The following CDON variants were observed in gnomAD, a reference collection of about 807,000 sequenced individuals.
CDON encodes the protein cell adhesion associated, oncogene regulated.
Under a neutral mutation model 120.9 loss-of-function variants are expected in CDON, and 73 were observed. The observed-to-expected ratio is 0.60, with a 90% CI of 0.50 to 0.73. The LOEUF (loss-of-function observed/expected upper bound fraction) is 0.73, where lower values mean the gene tolerates loss of function less well. Ranked by LOEUF, CDON falls within the 30% of genes least tolerant of loss-of-function variation. The pLI is 0.00. For synonymous variants in CDON, 566 were observed against 573.5 expected (o/e 0.99, Z 0.19); for missense variants, 1,470 against 1,587.3 (o/e 0.93, Z 1.26).
intron 18 of CDON, among the ~76,000 whole-genome samples, chr11:125,966,843 A>G (rs1017139455): frequency 1.3e-5 from 2 of 152,166 alleles, no homozygotes; most frequent in African/African-American, 4.8e-5. Flanking sequence ...GAAAGACAGT[A>G]ACTGCCAATC....
intron 1 of CDON, among the ~76,000 whole-genome samples, chr11:126,045,500 ATAT>A (rs1234065550): frequency 6.6e-6 from 1 of 152,146 alleles, no homozygotes; most frequent in Non-Finnish European, 1.5e-5. Context: ...CGTTTTTAAA[ATAT>A]TATTTTAAAT....
intron 1 of CDON, among the ~76,000 whole-genome samples, chr11:126,039,274 A>T (rs1948188776): frequency 6.6e-6 from 1 of 152,190 alleles, no homozygotes; most frequent in African/African-American, 2.4e-5. Flanking sequence ...AACTATAGCA[A>T]TGGTTCCCAA....
At chr11:126,028,744 A>AT (rs1947868829) in intron 1 of CDON, among the ~76,000 whole-genome samples, 1 of 149,176 alleles carries the variant, frequency 6.7e-6, no homozygotes, top group South Asian at 2.1e-4. Context: ...TTATTTATTT[A>AT]TTATGTCTTG....
intron 2 of CDON, 96 bp from the exon 3 acceptor site, chr11:126,021,616 A>T: frequency 9.4e-7 from 1 of 1,060,890 alleles, no homozygotes; most frequent in Non-Finnish European, 1.4e-6. Context: ...GTATCTTTAT[A>T]ACTAAAGGCA....
Position 125,983,980 on chromosome 11 carries a change from C to T in CDON, c.2887G>A (p.Asp963Asn). 1 of 1,614,140 alleles carries T rather than the reference C, an allele frequency of 6.2e-7. No individual in the cohort carries two copies. Among genetic ancestry groups the T allele is most frequent in the South Asian group, 1.1e-5 (1 of 91,080 alleles). ...CAGCCAACGATCAGATATAACATGTCACTGCTTCTGGCAGGGCTGGTTGCA... is the reference window on the plus strand; with the variant it reads ...CAGCCAACGATCAGATATAACATGTTACTGCTTCTGGCAGGGCTGGTTGCA... ...GPATSPARSS[D>N]MLYLIVGCVL... The change falls in exon 16 of 20, where the codon GAC becomes AAC. Residue 963 changes from aspartate (D) to asparagine (N), a missense_variant. By Grantham distance (23) the Asp-to-Asn change is conservative (BLOSUM62 1). Coordinates refer to ENST00000531738, the MANE Select transcript of CDON (RefSeq NM_001378964.1).
chr11:125,987,789 G>C (rs145513529), intron 15 of CDON, among the ~76,000 whole-genome samples: 1 of 152,200 alleles, frequency 6.6e-6, no homozygotes, highest in Non-Finnish European at 1.5e-5. Context: ...ACAGCGTCTG[G>C]TCCAAAAAGG....
At chr11:126,040,983 G>A (rs1948246454) in intron 1 of CDON, among the ~76,000 whole-genome samples, 1 of 151,780 alleles carries the variant, frequency 6.6e-6, no homozygotes, top group African/African-American at 2.4e-5. Flanking sequence ...AAGGTCAGGA[G>A]TTCCAGACCA....
chr11:125,990,254 G>T (rs548180634), intron 14 of CDON, among the ~76,000 whole-genome samples: 1 of 152,264 alleles, frequency 6.6e-6, no homozygotes, highest in South Asian at 2.1e-4. Flanking sequence ...GATGCAACGT[G>T]AACTGACATA....
intron 18 of CDON, among the ~76,000 whole-genome samples, chr11:125,962,503 G>C (rs1355296793): frequency 6.6e-6 from 1 of 152,148 alleles, no homozygotes; most frequent in Non-Finnish European, 1.5e-5. Context: ...AACGCTATAA[G>C]GATTAGACAT....
intron 1 of CDON, among the ~76,000 whole-genome samples, chr11:126,037,776 T>C (rs114101880): frequency 1.3e-3 from 204 of 152,280 alleles, no homozygotes; most frequent in African/African-American, 4.6e-3. Flanking sequence ...CAGAGTATGA[T>C]AGGCAGAACA....
At chr11:126,014,519 T>C (rs1790432306) in intron 7 of CDON, among the ~76,000 whole-genome samples, 1 of 152,164 alleles carries the variant, frequency 6.6e-6, no homozygotes, top group Non-Finnish European at 1.5e-5. Context: ...TCTACCAAAA[T>C]TACCAACACA....
chr11:126,054,733 C>G (rs190650860), intron 1 of CDON, among the ~76,000 whole-genome samples: 1 of 152,266 alleles, frequency 6.6e-6, no homozygotes, highest in East Asian at 1.9e-4. Flanking sequence ...CCCAGAAATT[C>G]AAATGCACGT....
chr11:126,032,728 C>T (rs1947975779), intron 1 of CDON, among the ~76,000 whole-genome samples: 1 of 152,088 alleles, frequency 6.6e-6, no homozygotes, highest in African/African-American at 2.4e-5. Flanking sequence ...CGTAAGAGGC[C>T]AGGAGCGGTG....
chr11:125,971,346 G>A (rs1037886876), intron 18 of CDON, among the ~76,000 whole-genome samples: 3 of 151,818 alleles, frequency 2.0e-5, no homozygotes, highest in Non-Finnish European at 4.4e-5. Context: ...TCGCACCACT[G>A]CACTCCAGCC....
intron 2 of CDON, among the ~76,000 whole-genome samples, chr11:126,023,149 A>AT (rs5795474): frequency 6.6e-5 from 10 of 151,634 alleles, no homozygotes; most frequent in Non-Finnish European, 1.2e-4. Context: ...GAAAATATGT[A>AT]TTTTTTTTTA....
At chr11:126,009,299 CTT>C (rs1947223328) in intron 8 of CDON, among the ~76,000 whole-genome samples, 1 of 152,184 alleles carries the variant, frequency 6.6e-6, no homozygotes, top group Admixed American at 6.5e-5. Flanking sequence ...CATACGAACT[CTT>C]TTTTATTTCA....
chr11:125,997,619 T>C (rs1459418456), intron 11 of CDON, among the ~76,000 whole-genome samples: 5 of 152,234 alleles, frequency 3.3e-5, no homozygotes, highest in Admixed American at 1.3e-4. Context: ...AAATGATCTA[T>C]AAATTTGATA....
intron 1 of CDON, among the ~76,000 whole-genome samples, chr11:126,045,263 T>C (rs1251725604): frequency 6.6e-6 from 1 of 152,126 alleles, no homozygotes; most frequent in Non-Finnish European, 1.5e-5. Flanking sequence ...CTTGACCTCG[T>C]GATCCGGCTG....
intron 1 of CDON, 103 bp from the exon 2 acceptor site, chr11:126,023,640 T>C (rs1180482517): frequency 1.5e-6 from 1 of 683,838 alleles, no homozygotes; most frequent in East Asian, 2.7e-5. Flanking sequence ...AAGCTCTGTG[T>C]AGAGTACGTC....
Sources: gnomAD v4.1 joint callset for allele counts (sites outside exome capture counted in the v4.1 genomes callset) on GRCh38, gnomAD v4.1.1 for gene constraint, MANE v1.5 for transcripts, NCBI Gene and HGNC (gene_info 2026-07-23, HGNC 2026-07-21) for gene names.